Variants in RPL31 observed in about 807,000 individuals in gnomAD.
The protein encoded by RPL31 is ribosomal protein L31, also known as large ribosomal subunit protein eL31.
For synonymous variants in RPL31, 51 were observed against 55.0 expected, an observed-to-expected ratio of 0.93 and a Z score of 0.32; for missense variants, 95 against 164.0, an observed-to-expected ratio of 0.58 and a Z score of 2.30.
At chr2:101,004,410 T>G in intron 3 of RPL31, 127 bp downstream of exon 3, 1 of 954,550 alleles carries the variant, frequency 1.0e-6, no homozygotes, top group Non-Finnish European at 1.5e-6. Context: ...AAAAAAATAC[T>G]GTGACCGTGA....
intron 2 of RPL31, among the ~76,000 whole-genome samples, chr2:101,003,601 T>G (rs1678619395): frequency 6.6e-6 from 1 of 152,204 alleles, no homozygotes; most frequent in Non-Finnish European, 1.5e-5. Context: ...CTGCTGTTAT[T>G]TCTAGTACCG....
At chr2:101,008,308 C>A (rs750170218), downstream of RPL31, 2 of 1,469,318 alleles carry the variant, frequency 1.4e-6, no homozygotes, top group East Asian at 2.3e-5. Flanking sequence ...AGCAGCAGAA[C>A]CAGGGTGGAA....
downstream of RPL31, among the ~76,000 whole-genome samples, chr2:101,008,596 CCTGAGGTTGGG>C (rs1412990922): frequency 1.3e-5 from 2 of 152,048 alleles, no homozygotes; most frequent in Admixed American, 1.3e-4. Context: ...AGGCGGATCA[CCTGAGGTTGGG>C]AGTCAGACCA....
downstream of RPL31, chr2:101,011,296 C>T: frequency 1.3e-6 from 1 of 790,008 alleles, no homozygotes; most frequent in Non-Finnish European, 2.0e-6. Context: ...CCACTAGGAG[C>T]ACTTCTGTCC....
At chr2:101,009,578 A>G (rs919191006), downstream of RPL31, among the ~76,000 whole-genome samples, 3 of 152,238 alleles carry the variant, frequency 2.0e-5, no homozygotes, top group African/African-American at 7.2e-5. Context: ...GTTAATACTG[A>G]TAGCTCTGAG....
Position 101,002,843 on chromosome 2 carries a change from TCA to T in RPL31, c.107+37_107+38del. On this transcript the variant is annotated intron_variant, in intron 2 of 4. Transcript: ENST00000264258. ...CCTCTAGCCGCCCTGGGTCTCGAAC[TCA>T]CGCGTCTGGTTGTTACCGAGAGATG... is the stretch of plus-strand genomic sequence containing the variant. 2.7e-6 allele frequency: 4 copies of T among 1,504,108 alleles called. No individual in the cohort carries two copies. The South Asian group carries it at 3.4e-5, about 13-fold the overall frequency. The allele number at this position is 1,504,108 out of a possible 1,614,324, so 93.2% of individuals were successfully genotyped here. A position where few individuals can be genotyped will look rare whatever the true frequency, so the allele number is the denominator to read the frequency against.
At chr2:101,014,822 G>T (rs1367096934) in intron 4 of RPL31, among the ~76,000 whole-genome samples, 3 of 152,186 alleles carry the variant, frequency 2.0e-5, no homozygotes, top group Non-Finnish European at 2.9e-5. Context: ...AAGATAGTGG[G>T]TATAACTTGA....
chr2:101,007,868 C>T (rs779020109), downstream of RPL31: 6 of 1,611,262 alleles, frequency 3.7e-6, no homozygotes. Context: ...TGGCTCATTT[C>T]AAAAGTTTTG....
chr2:101,007,892 T>G (rs1170676003), downstream of RPL31: 11 of 1,613,932 alleles, frequency 6.8e-6, no homozygotes, highest in African/African-American at 1.3e-5. Context: ...TTGTACTGAT[T>G]GATCTTGGCA....
intron 4 of RPL31, among the ~76,000 whole-genome samples, chr2:101,015,324 G>C (rs1268709635): frequency 6.6e-6 from 1 of 152,208 alleles, no homozygotes. Context: ...GGGCAAATCA[G>C]TGAGTAGCGA....
Position 101,017,890 on chromosome 2 carries a change from T to C in RPL31, c.347-1108T>C, listed in dbSNP as rs943644266. ...AAAACGATGATCTCTTCAAAACAGA[T>C]TGTCACCATCAGTGAGAAACCGAAC... On this transcript the variant is annotated intron_variant, in intron 4 of 4. Transcript: ENST00000409028. The C allele has an allele frequency of 5.8e-6, 9 of 1,550,842 alleles. No homozygotes were observed. The African/African-American group carries it at 6.8e-5, about 12-fold the overall frequency.
intron 4 of RPL31, among the ~76,000 whole-genome samples, chr2:101,012,801 A>C (rs762279579): frequency 3.9e-5 from 6 of 152,208 alleles, no homozygotes; most frequent in Non-Finnish European, 5.9e-5. Context: ...AAATAAATCA[A>C]AGGCAAAATT....
At chr2:101,006,156 G>A (rs1678725354) in intron 4 of RPL31, 85 bp downstream of exon 4, 1 of 1,552,254 alleles carries the variant, frequency 6.4e-7, no homozygotes, top group Non-Finnish European at 8.7e-7. Flanking sequence ...TGTTAAGCTA[G>A]GGGTGACACA....
At chr2:101,002,596 C>T (rs966922933) in intron 1 of RPL31, 106 bp from the exon 2 acceptor site, 2 of 959,276 alleles carry the variant, frequency 2.1e-6, no homozygotes, top group Non-Finnish European at 3.3e-6. Flanking sequence ...TGGCCAGACT[C>T]TCAGCACCTG....
At chr2:101,019,069 T>C in exon 5 of RPL31, 1 of 1,601,312 alleles carries the variant, frequency 6.2e-7, no homozygotes, top group Non-Finnish European at 8.5e-7. Flanking sequence ...GATGAGGCCT[T>C]GGGTCTCGGC....
At chr2:101,010,959 T>TTTATC, downstream of RPL31, 1 of 1,613,008 alleles carries the variant, frequency 6.2e-7, no homozygotes, top group Non-Finnish European at 8.5e-7. Flanking sequence ...CTTTCTCAGT[T>TTTATC]TTATCTTTTT....
chr2:101,017,084 AAAAAAAG>A (rs1418946391), intron 4 of RPL31, among the ~76,000 whole-genome samples: 27 of 101,076 alleles, frequency 2.7e-4, no homozygotes, highest in Non-Finnish European at 3.7e-4. Flanking sequence ...TAAAAAAAAA[AAAAAAAG>A]ACAAACACGC....
rs899712719 is a variant in RPL31, at chr2:101,006,974, T to C, written c.*593T>C. 3.3e-5 allele frequency: 5 copies of C among 152,266 alleles called. No individual in the cohort carries two copies. The highest frequency in any genetic ancestry group is 3.3e-4 in the Admixed American group (5 of 15,286). 9.4% of individuals were successfully genotyped at this position (152,266 alleles called of 1,614,324 possible). ...TTAAGGTATCAATAACAAAAATTTGTATTAATAGTTCAGTCCTAAAGCAGT... is the reference window on the plus strand; with the variant it reads ...TTAAGGTATCAATAACAAAAATTTGCATTAATAGTTCAGTCCTAAAGCAGT... On this transcript the variant is annotated 3_prime_UTR_variant, in exon 5 of 5. Transcript: ENST00000264258.
Position 101,006,469 on chromosome 2 carries a change from A to T in RPL31, c.*88A>T. 1.6e-6 allele frequency: 2 copies of T among 1,225,250 alleles called. No homozygotes were observed. Among genetic ancestry groups the T allele is most frequent in the South Asian group, 1.5e-5 (1 of 67,118 alleles). 75.9% of individuals were successfully genotyped at this position (1,225,250 alleles called of 1,614,324 possible). On this transcript the variant is annotated 3_prime_UTR_variant, in exon 5 of 5. Coordinates refer to ENST00000264258, the MANE Select transcript of RPL31 (RefSeq NM_000993.5). ...GCAACATAATGTACTTGTATACCCT[A>T]TCCTAATTATGGGATCATTTGAAGA...
Sources: gnomAD v4.1 joint callset for allele counts (sites outside exome capture counted in the v4.1 genomes callset) on GRCh38, gnomAD v4.1.1 for gene constraint, MANE v1.5 for transcripts, NCBI Gene and HGNC (gene_info 2026-07-23, HGNC 2026-07-21) for gene names.